Variants in MIPOL1 observed in about 807,000 individuals in gnomAD.
MIPOL1 encodes mirror-image polydactyly gene 1 protein.
Under a neutral mutation model 60.9 loss-of-function variants are expected in MIPOL1, and 57 were observed. The ratio of observed to expected loss-of-function variants is 0.94; its 90% confidence interval spans 0.76 to 1.17. MIPOL1 has a LOEUF of 1.17. Among genes scored for constraint, MIPOL1 ranks in the 50% most tolerant of loss-of-function variants. The pLI, the probability that MIPOL1 is intolerant of heterozygous loss-of-function variation, is 0.00. For missense variants in MIPOL1, 551 were observed against 511.6 expected (o/e 1.08, Z -0.74); for synonymous variants, 179 against 168.8 (o/e 1.06, Z -0.47).
chr14:37,293,024 A>T (rs1482493990), intron 7 of MIPOL1, among the ~76,000 whole-genome samples: 1 of 152,088 alleles, frequency 6.6e-6, no homozygotes, highest in Non-Finnish European at 1.5e-5. Flanking sequence ...TCCTAATTTC[A>T]TGGGGATATT....
chr14:37,486,958 A>G (rs2094957044), intron 11 of MIPOL1, among the ~76,000 whole-genome samples: 1 of 152,166 alleles, frequency 6.6e-6, no homozygotes, highest in Non-Finnish European at 1.5e-5. Context: ...TCAGTATGAT[A>G]TTGACTGTGG....
chr14:37,378,354 C>T (rs1035014750), intron 10 of MIPOL1, among the ~76,000 whole-genome samples: 1 of 151,940 alleles, frequency 6.6e-6, no homozygotes, highest in Non-Finnish European at 1.5e-5. Flanking sequence ...AGGAAACAAC[C>T]TATTGATACA....
At chr14:37,519,686 C>T (rs1329855752) in intron 12 of MIPOL1, among the ~76,000 whole-genome samples, 1 of 151,900 alleles carries the variant, frequency 6.6e-6, no homozygotes, top group Non-Finnish European at 1.5e-5. Flanking sequence ...AAGACTGTTA[C>T]AGGGGAACAA....
At chr14:37,318,294 A>G (rs753551088) in intron 9 of MIPOL1, among the ~76,000 whole-genome samples, 1 of 152,202 alleles carries the variant, frequency 6.6e-6, no homozygotes, top group Non-Finnish European at 1.5e-5. Context: ...TCTAGCATGT[A>G]ATAGATACAA....
At chr14:37,266,145 C>CT (rs2082858382) in intron 3 of MIPOL1, among the ~76,000 whole-genome samples, 1 of 152,078 alleles carries the variant, frequency 6.6e-6, no homozygotes, top group African/African-American at 2.4e-5. Flanking sequence ...TGCATCTCCT[C>CT]TAAGATTGAA....
chr14:37,305,390 A>G (rs2086697950), intron 7 of MIPOL1, among the ~76,000 whole-genome samples: 1 of 151,926 alleles, frequency 6.6e-6, no homozygotes, highest in Non-Finnish European at 1.5e-5. Context: ...TCAGCCTGCT[A>G]CCTGTTTTGT....
intron 11 of MIPOL1, among the ~76,000 whole-genome samples, chr14:37,492,614 T>A (rs1348502814): frequency 1.3e-5 from 2 of 152,222 alleles, no homozygotes; most frequent in African/African-American, 4.8e-5. Flanking sequence ...TTCCATGATA[T>A]TTTTCTCATA....
At chr14:37,533,087 G>T (rs1441195383) in intron 12 of MIPOL1, among the ~76,000 whole-genome samples, 7 of 152,020 alleles carry the variant, frequency 4.6e-5, no homozygotes, top group Non-Finnish European at 1.0e-4. Context: ...TATAGTCTAT[G>T]ATGAGTATGC....
intron 1 of MIPOL1, chr14:37,219,840 ATGC>A (rs1968441395): frequency 6.6e-6 from 1 of 152,194 alleles, no homozygotes; most frequent in South Asian, 2.1e-4. Context: ...GTTTTGTTAA[ATGC>A]TTACATATTT....
At position 37,549,707 on chromosome 14, in the gene MIPOL1, T is replaced by C. The variant is rs1014688116; in HGVS notation, c.*2736T>C. ...AATCAAAAGATTGTACACATTTTTT[T>C]CAATGAAGTACAATAATGTGAACTG... is the stretch of plus-strand genomic sequence containing the variant. On this transcript the variant is annotated 3_prime_UTR_variant, in exon 13 of 13. Transcript: ENST00000684589. 2.6e-5 allele frequency: 4 copies of C among 151,930 alleles called. No individual in the cohort carries two copies. Among genetic ancestry groups the C allele is most frequent in the Non-Finnish European group, 5.9e-5 (4 of 67,848 alleles). The allele number at this position is 151,930 out of a possible 1,614,324, so 9.4% of individuals were successfully genotyped here.
At chr14:37,333,505 A>G (rs1044163481) in intron 9 of MIPOL1, among the ~76,000 whole-genome samples, 2 of 152,132 alleles carry the variant, frequency 1.3e-5, no homozygotes, top group African/African-American at 2.4e-5. Flanking sequence ...ATTGTCTGTA[A>G]GAAGCATACT....
At chr14:37,476,419 T>G (rs1481415114) in intron 11 of MIPOL1, among the ~76,000 whole-genome samples, 1 of 152,186 alleles carries the variant, frequency 6.6e-6, no homozygotes, top group East Asian at 1.9e-4. Context: ...TCTTTATACC[T>G]TTCACTTTCT....
At chr14:37,423,902 CT>C (rs1348234322) in intron 11 of MIPOL1, 1 of 152,034 alleles carries the variant, frequency 6.6e-6, no homozygotes, top group African/African-American at 2.4e-5. Flanking sequence ...CCATTAACAA[CT>C]TTAGTTTCAA....
At chr14:37,330,965 T>A (rs2089630256) in intron 9 of MIPOL1, among the ~76,000 whole-genome samples, 1 of 152,164 alleles carries the variant, frequency 6.6e-6, no homozygotes, top group Non-Finnish European at 1.5e-5. Context: ...TTTACCTTTT[T>A]TAGTTCCTTA....
chr14:37,517,461 T>C (rs1006996655), intron 12 of MIPOL1, among the ~76,000 whole-genome samples: 4 of 152,116 alleles, frequency 2.6e-5, no homozygotes, highest in Non-Finnish European at 4.4e-5. Flanking sequence ...GAACGTGAAA[T>C]GGTAAAACCC....
At chr14:37,485,259 T>G (rs1482956144) in intron 11 of MIPOL1, among the ~76,000 whole-genome samples, 1 of 152,210 alleles carries the variant, frequency 6.6e-6, no homozygotes, top group African/African-American at 2.4e-5. Flanking sequence ...TGATTCCAAG[T>G]CTTTGCTATT....
chr14:37,348,699 C>T (rs565875318), intron 9 of MIPOL1, among the ~76,000 whole-genome samples: 1 of 152,046 alleles, frequency 6.6e-6, no homozygotes, highest in African/African-American at 2.4e-5. Flanking sequence ...TTATTACCTC[C>T]ACTTCTACCA....
At chr14:37,269,123 C>T (rs1300601255) in intron 5 of MIPOL1, among the ~76,000 whole-genome samples, 2 of 151,990 alleles carry the variant, frequency 1.3e-5, no homozygotes, top group African/African-American at 2.4e-5. Flanking sequence ...ATAGAATGCA[C>T]TGGTTTCATG....
chr14:37,241,150 A>G (rs949846474), intron 1 of MIPOL1, among the ~76,000 whole-genome samples: 2 of 152,082 alleles, frequency 1.3e-5, no homozygotes, highest in Non-Finnish European at 2.9e-5. Flanking sequence ...TGAGCCCCAA[A>G]AGAGTGAATA....
Sources: gnomAD v4.1 joint callset for allele counts (sites outside exome capture counted in the v4.1 genomes callset) on GRCh38, gnomAD v4.1.1 for gene constraint, MANE v1.5 for transcripts, NCBI Gene and HGNC (gene_info 2026-07-23, HGNC 2026-07-21) for gene names.